The following EXOC6B variants were observed in gnomAD, a reference collection of about 807,000 sequenced individuals.
EXOC6B encodes the protein exocyst complex component 6B.
In EXOC6B, 54 loss-of-function variants were observed where a neutral mutation model predicts 113.5. The observed-to-expected ratio is 0.48, with a 90% CI of 0.38 to 0.60. The LOEUF (loss-of-function observed/expected upper bound fraction) is 0.60, where lower values mean the gene tolerates loss of function less well. Among genes scored for constraint, EXOC6B ranks in the 20% least tolerant of loss-of-function variants. The pLI is 0.00. For missense variants in EXOC6B, 797 were observed against 977.5 expected (o/e 0.82, Z 2.46); for synonymous variants, 357 against 339.0 (o/e 1.05, Z -0.58).
chr2:72,418,463 T>C (rs996124398), intron 18 of EXOC6B, among the ~76,000 whole-genome samples: 1 of 152,230 alleles, frequency 6.6e-6, no homozygotes, highest in East Asian at 1.9e-4. Context: ...CTATCAGTTC[T>C]GTTAATCTTT....
intron 18 of EXOC6B, among the ~76,000 whole-genome samples, chr2:72,413,829 G>A (rs1000008888): frequency 1.3e-5 from 2 of 152,132 alleles, no homozygotes; most frequent in Non-Finnish European, 2.9e-5. Flanking sequence ...CACCACACCT[G>A]GTGAGATTTT....
chr2:72,675,611 G>A (rs978444069), intron 6 of EXOC6B, among the ~76,000 whole-genome samples: 8 of 152,050 alleles, frequency 5.3e-5, no homozygotes, highest in Non-Finnish European at 1.0e-4. Context: ...TGGGAAACAT[G>A]GCAAAATCCT....
At chr2:72,340,862 T>C (rs1688990829) in intron 19 of EXOC6B, among the ~76,000 whole-genome samples, 1 of 152,166 alleles carries the variant, frequency 6.6e-6, no homozygotes, top group African/African-American at 2.4e-5. Flanking sequence ...TTGCATCACA[T>C]CACAGTGGTT....
chr2:72,409,973 G>A (rs199642215), intron 18 of EXOC6B, among the ~76,000 whole-genome samples: 12 of 152,224 alleles, frequency 7.9e-5, no homozygotes, highest in East Asian at 7.7e-4. Context: ...ATGGGATGCC[G>A]TCGTTCCCCC....
chr2:72,698,694 C>A (rs936893148), intron 6 of EXOC6B, among the ~76,000 whole-genome samples: 6 of 152,164 alleles, frequency 3.9e-5, no homozygotes, highest in Non-Finnish European at 7.3e-5. Flanking sequence ...TTTACCACTG[C>A]CGACAGCAAA....
intron 10 of EXOC6B, 37 bp downstream of exon 10, chr2:72,514,597 A>ATAT (rs1558751166): frequency 7.7e-5 from 16 of 207,468 alleles, no homozygotes; most frequent in African/African-American, 2.4e-4. Context: ...TAAATAAATA[A>ATAT]ATAAATAAAT....
intron 20 of EXOC6B, among the ~76,000 whole-genome samples, chr2:72,225,900 C>A (rs182761111): frequency 1.7e-4 from 26 of 151,988 alleles, no homozygotes; most frequent in African/African-American, 6.0e-4. Context: ...GGACTGAGTC[C>A]CTGGAGTGGA....
intron 19 of EXOC6B, among the ~76,000 whole-genome samples, chr2:72,338,480 G>A (rs1688825108): frequency 6.6e-6 from 1 of 151,870 alleles, no homozygotes; most frequent in African/African-American, 2.4e-5. Context: ...TTATTTATAG[G>A]CACTATTTAA....
At chr2:72,499,457 C>T (rs918695179) in intron 12 of EXOC6B, among the ~76,000 whole-genome samples, 4 of 151,992 alleles carry the variant, frequency 2.6e-5, no homozygotes, top group Admixed American at 6.6e-5. Context: ...TCTCAAACTC[C>T]TGACCTCAAG....
intron 6 of EXOC6B, among the ~76,000 whole-genome samples, chr2:72,677,589 G>A (rs1046648649): frequency 5.3e-5 from 8 of 152,232 alleles, no homozygotes; most frequent in Admixed American, 5.2e-4. Flanking sequence ...GAGCTTCAGT[G>A]GGCCTAGAAG....
intron 1 of EXOC6B, among the ~76,000 whole-genome samples, chr2:72,781,053 T>G (rs1684008274): frequency 6.6e-6 from 1 of 152,238 alleles, no homozygotes; most frequent in African/African-American, 2.4e-5. Flanking sequence ...TAGATTAATC[T>G]TTCTGTCATA....
At chr2:72,603,804 G>T (rs1166714420) in intron 6 of EXOC6B, among the ~76,000 whole-genome samples, 2 of 152,018 alleles carry the variant, frequency 1.3e-5, no homozygotes, top group African/African-American at 4.8e-5. Flanking sequence ...AGCCATGAAG[G>T]GCACTTTATA....
chr2:72,769,172 C>A (rs1683270657), intron 1 of EXOC6B, among the ~76,000 whole-genome samples: 1 of 151,974 alleles, frequency 6.6e-6, no homozygotes, highest in Non-Finnish European at 1.5e-5. Context: ...TTCATACAAA[C>A]AAAATAAATG....
chr2:72,723,824 T>C (rs1199021950), intron 5 of EXOC6B, among the ~76,000 whole-genome samples: 1 of 150,194 alleles, frequency 6.7e-6, no homozygotes, highest in Non-Finnish European at 1.5e-5. Context: ...ACAAGTAGAA[T>C]ATTGGCAAAA....
At chr2:72,317,052 T>A (rs1687555372) in intron 20 of EXOC6B, among the ~76,000 whole-genome samples, 1 of 152,058 alleles carries the variant, frequency 6.6e-6, no homozygotes, top group Non-Finnish European at 1.5e-5. Flanking sequence ...AAAGATTAGC[T>A]GGAACCAGAC....
chr2:72,464,994 T>A, intron 18 of EXOC6B, 166 bp downstream of exon 18: 1 of 608,518 alleles, frequency 1.6e-6, no homozygotes, highest in Non-Finnish European at 2.9e-6. Flanking sequence ...GAAAAAATGA[T>A]GGAAGTAGCC....
At chr2:72,585,585 C>CAA (rs111607878) in intron 6 of EXOC6B, among the ~76,000 whole-genome samples, 1 of 109,410 alleles carries the variant, frequency 9.1e-6, no homozygotes, top group Non-Finnish European at 1.9e-5. Flanking sequence ...CAACTGAGTG[C>CAA]AAAAAAAAAA....
chr2:72,538,699 T>C (rs980737109), intron 8 of EXOC6B, among the ~76,000 whole-genome samples: 1 of 152,186 alleles, frequency 6.6e-6, no homozygotes, highest in Non-Finnish European at 1.5e-5. Context: ...AACCATGTGT[T>C]GTGCATACTA....
At chr2:72,586,479 G>A (rs1323776756) in intron 6 of EXOC6B, among the ~76,000 whole-genome samples, 4 of 152,196 alleles carry the variant, frequency 2.6e-5, no homozygotes, top group African/African-American at 4.8e-5. Flanking sequence ...TTGGCCAGGC[G>A]CGGTGGCTCA....
Sources: gnomAD v4.1 joint callset for allele counts (sites outside exome capture counted in the v4.1 genomes callset) on GRCh38, gnomAD v4.1.1 for gene constraint, MANE v1.5 for transcripts, NCBI Gene and HGNC (gene_info 2026-07-23, HGNC 2026-07-21) for gene names.